The following HEXD variants were observed in gnomAD, a reference collection of about 807,000 sequenced individuals.
The protein encoded by HEXD is N-acetyl-beta-galactosaminidase.
HEXD carries 47 observed loss-of-function variants against 54.2 expected under a neutral mutation model. That is an observed-to-expected ratio of 0.87 (90% confidence interval 0.69 to 1.11). HEXD has a LOEUF of 1.11. Among genes scored for constraint, HEXD ranks in the 50% least tolerant of loss-of-function variants. The pLI is 0.00. For synonymous variants in HEXD, 293 were observed against 287.6 expected (o/e 1.02, Z -0.19); for missense variants, 576 against 649.2 (o/e 0.89, Z 1.23).
chr17:82,440,087 G>C (rs76706865), intron 9 of HEXD: 2 of 1,298,574 alleles, frequency 1.5e-6, no homozygotes, highest in South Asian at 1.2e-5. Flanking sequence ...GGAAGGCCCC[G>C]CACCCTGGAC....
At chr17:82,424,302 A>G in intron 2 of HEXD, 92 bp from the exon 3 acceptor site, 1 of 798,696 alleles carries the variant, frequency 1.3e-6, no homozygotes, top group Non-Finnish European at 2.2e-6. Context: ...CAGTCTCCAC[A>G]GGCTGAAAGG....
chr17:82,421,007 T>C (rs530827957), intron 2 of HEXD, among the ~76,000 whole-genome samples: 143 of 152,268 alleles, frequency 9.4e-4, no homozygotes, highest in African/African-American at 3.3e-3. Context: ...AACACCTGTA[T>C]GGGGTTAGTG....
chr17:82,440,463 G>A, intron 9 of HEXD: 1 of 548,282 alleles, frequency 1.8e-6, no homozygotes, highest in Non-Finnish European at 2.7e-6. Flanking sequence ...AATATTGACG[G>A]TATTTGCAGT....
intron 3 of HEXD, chr17:82,427,255 A>T (rs1202637464): frequency 6.6e-6 from 1 of 152,180 alleles, no homozygotes; most frequent in Non-Finnish European, 1.5e-5. Context: ...GTGAGCCGAG[A>T]TCGCGCCACT....
At chr17:82,441,987 C>T (rs968284788) in intron 12 of HEXD, 98 bp downstream of exon 12, 6 of 1,383,214 alleles carry the variant, frequency 4.3e-6, no homozygotes, top group Admixed American at 3.4e-5. Flanking sequence ...GAGGGTGAGC[C>T]CCTAGTTGTA....
intron 4 of HEXD, among the ~76,000 whole-genome samples, chr17:82,429,727 C>T (rs1322198782): frequency 6.6e-6 from 1 of 152,150 alleles, no homozygotes; most frequent in Non-Finnish European, 1.5e-5. Flanking sequence ...TGCACCTCCT[C>T]GATATCCATT....
In HEXD at chr17:82,433,092, ATATAT is replaced by A. The variant is rs1246510912; in HGVS notation, c.283-565_283-561del. ...AAAAAAAAAAGAAAAAAAAAAAAAA[ATATAT>A]ATATATATATATATATATATATATA... On this transcript the variant is annotated intron_variant, in intron 4 of 12. Coordinates refer to ENST00000327949, the MANE Select transcript of HEXD (RefSeq NM_001330542.2). Among the ~76,000 whole-genome samples the A allele has an allele frequency of 2.1e-3, 22 of 10,332 alleles. 2 individuals carry two copies. The highest frequency in any genetic ancestry group is 2.5e-3 in the Non-Finnish European group (17 of 6,814). The allele number at this position is 10,332 out of a possible 152,430, so 6.8% of individuals were successfully genotyped here.
chr17:82,431,592 T>G (rs1486430539), intron 4 of HEXD, among the ~76,000 whole-genome samples: 2 of 152,078 alleles, frequency 1.3e-5, no homozygotes, highest in Admixed American at 1.3e-4. Flanking sequence ...TTTTGTCTTC[T>G]TAGTAGAGAC....
At position 82,442,085 on chromosome 17, in the gene HEXD, A is replaced by G. The variant is rs1209937012; in HGVS notation, c.1254-92A>G. On this transcript the variant is annotated intron_variant, in intron 12 of 12. Coordinates refer to ENST00000327949, the MANE Select transcript of HEXD (RefSeq NM_001330542.2). The surrounding 1 kb of genome is among the most constrained non-coding windows in gnomAD (Gnocchi z 6.8). ...GGTAGGGTCAGTAGCCCCATTTCAC[A>G]GGTGAACTGAGGCACAGGGCAGTAC... 4.1e-6 allele frequency: 6 copies of G among 1,457,102 alleles called. No individual in the cohort carries two copies. In the East Asian group the frequency reaches 1.4e-4, roughly 33 times the overall value. The allele number at this position is 1,457,102 out of a possible 1,614,324, so 90.3% of individuals were successfully genotyped here.
intron 2 of HEXD, 50 bp from the exon 3 acceptor site, chr17:82,424,344 T>C: frequency 1.6e-6 from 2 of 1,244,370 alleles, no homozygotes; most frequent in Non-Finnish European, 2.4e-6. Flanking sequence ...ACTTGCCACA[T>C]CGTGCTCCAG....
intron 11 of HEXD, 116 bp from the exon 12 acceptor site, chr17:82,441,684 G>C (rs1332674071): frequency 1.1e-5 from 9 of 835,002 alleles, no homozygotes; most frequent in Non-Finnish European, 1.8e-5. Flanking sequence ...GACTTTCTGG[G>C]GGACATAAGA....
chr17:82,442,400 CA>C lies in HEXD; in HGVS notation c.*17del. On this transcript the variant is annotated 3_prime_UTR_variant, in exon 13 of 13. Coordinates refer to ENST00000327949, the MANE Select transcript of HEXD (RefSeq NM_001330542.2). This position sits in a 1 kb window ranked among gnomAD's most constrained non-coding sequence, Gnocchi z 6.8. ...GGACCCCTGAGGGGAGAGCTCATGC[CA>C]GGGGGCTCCTGCTGGAGGCTGGGGG... 2 of 1,609,278 alleles carry C rather than the reference CA, an allele frequency of 1.2e-6. No individual in the cohort carries two copies. The highest frequency in any genetic ancestry group is 1.3e-5 in the African/African-American group (1 of 74,966).
intron 2 of HEXD, among the ~76,000 whole-genome samples, chr17:82,422,933 T>C (rs1207156679): frequency 2.0e-5 from 3 of 152,012 alleles, no homozygotes; most frequent in Admixed American, 6.6e-5. Context: ...GTCAGGTGCC[T>C]GTAATCTCAG....
At chr17:82,435,619 C>A in intron 5 of HEXD, 70 bp from the exon 6 acceptor site, 1 of 1,489,824 alleles carries the variant, frequency 6.7e-7, no homozygotes, top group South Asian at 1.2e-5. Context: ...CAGGGCACGG[C>A]GTGAACCCCG....
chr17:82,424,292 C>A, intron 2 of HEXD, 102 bp from the exon 3 acceptor site: 1 of 744,324 alleles, frequency 1.3e-6, no homozygotes, highest in Non-Finnish European at 2.4e-6. Flanking sequence ...GCAACTCCCA[C>A]AGTCTCCACA....
chr17:82,431,430 ATTTTT>A (rs879289678), intron 4 of HEXD, among the ~76,000 whole-genome samples: 1 of 134,570 alleles, frequency 7.4e-6, no homozygotes, highest in Admixed American at 7.5e-5. Context: ...CTAAGTGCTA[ATTTTT>A]TTTTTTTTTT....
At chr17:82,437,458 T>G in intron 8 of HEXD, 95 bp downstream of exon 8, 1 of 1,154,112 alleles carries the variant, frequency 8.7e-7, no homozygotes, top group Non-Finnish European at 1.2e-6. Flanking sequence ...CTTCCCAGGT[T>G]GGTCAAAGGG....
intron 8 of HEXD, among the ~76,000 whole-genome samples, chr17:82,438,537 A>C (rs2053838359): frequency 6.6e-6 from 1 of 152,214 alleles, no homozygotes; most frequent in African/African-American, 2.4e-5. Context: ...CCCTGACGAC[A>C]CTGTGTGAAA....
intron 4 of HEXD, among the ~76,000 whole-genome samples, chr17:82,432,169 G>A (rs919935593): frequency 2.0e-5 from 3 of 152,210 alleles, no homozygotes; most frequent in Non-Finnish European, 2.9e-5. Flanking sequence ...GTGTGTGGGC[G>A]GTGGGGGGTG....
Sources: gnomAD v4.1 joint callset for allele counts (sites outside exome capture counted in the v4.1 genomes callset) on GRCh38, gnomAD v4.1.1 for gene constraint, Gnocchi (gnomAD v3.1) non-coding constraint, MANE v1.5 for transcripts, NCBI Gene and HGNC (gene_info 2026-07-23, HGNC 2026-07-21) for gene names.